The following PDGFA variants were observed in gnomAD, a reference collection of about 807,000 sequenced individuals.
PDGFA encodes the protein platelet-derived growth factor subunit A.
Under a neutral mutation model 25.6 loss-of-function variants are expected in PDGFA, and 9 were observed. The observed-to-expected ratio is 0.35, with a 90% confidence interval of 0.21 to 0.61. The LOEUF is 0.61. Among genes scored for constraint, PDGFA ranks in the 20% least tolerant of loss-of-function variants. PDGFA has a pLI of 0.75. For synonymous variants in PDGFA, 133 were observed against 111.8 expected (o/e 1.19, Z -1.20); for missense variants, 242 against 272.8 (o/e 0.89, Z 0.79).
upstream of PDGFA, chr7:520,169 C>T (rs1241549024): frequency 3.8e-6 from 1 of 263,430 alleles, no homozygotes; most frequent in Non-Finnish European, 7.6e-6. Context: ...AGGAGGCCGC[C>T]GCAGAAGCGC....
At chr7:512,881 CCT>C in intron 2 of PDGFA, 1 of 279,448 alleles carries the variant, frequency 3.6e-6, no homozygotes, top group Non-Finnish European at 7.1e-6. Context: ...CCAGGCCCCA[CCT>C]CTGTCTGGGG....
At chr7:505,617 C>A (rs1475293780) in intron 4 of PDGFA, among the ~76,000 whole-genome samples, 1 of 152,260 alleles carries the variant, frequency 6.6e-6, no homozygotes, top group South Asian at 2.1e-4. Flanking sequence ...CGCACGTGCC[C>A]GTCACTGTAA....
exon 6 of PDGFA, chr7:498,508 C>T (rs1179435864): frequency 2.6e-6 from 4 of 1,565,772 alleles, no homozygotes; most frequent in African/African-American, 2.7e-5. Flanking sequence ...ATAGTAGGTT[C>T]AGGAATGTAA....
chr7:506,090 T>G (rs1296984980), intron 4 of PDGFA, among the ~76,000 whole-genome samples: 1 of 149,462 alleles, frequency 6.7e-6, no homozygotes, highest in Non-Finnish European at 1.5e-5. Flanking sequence ...GCAGAAGAAT[T>G]GCCTGAACCC....
At chr7:510,533 T>C (rs1223543772) in intron 4 of PDGFA, among the ~76,000 whole-genome samples, 1 of 70,362 alleles carries the variant, frequency 1.4e-5, no homozygotes, top group African/African-American at 5.8e-5. Context: ...GACGCTGCGG[T>C]GGTGGACGCG....
At chr7:519,972 CG>C, upstream of PDGFA, 1 of 311,850 alleles carries the variant, frequency 3.2e-6, no homozygotes, top group South Asian at 2.3e-5. Context: ...CGGAAGCGCT[CG>C]GGGTTCGTGC....
At chr7:504,236 C>A (rs955868547) in intron 4 of PDGFA, among the ~76,000 whole-genome samples, 1 of 152,114 alleles carries the variant, frequency 6.6e-6, no homozygotes, top group African/African-American at 2.4e-5. Context: ...TACCACCACC[C>A]ACCCACCACA....
In PDGFA at chr7:509,928, G is replaced by C. The variant is rs190945838; in HGVS notation, c.453+881C>G. ...GGAAGGAAGTCTGCTGTCTGGCCTC[G>C]AGCCCACCCCAAGCACTCCTTCTCC... On this transcript the variant is annotated intron_variant, in intron 4 of 5. Transcript: ENST00000402802. Among the ~76,000 whole-genome samples, 75 of 152,216 alleles carry C rather than the reference G, an allele frequency of 4.9e-4. 1 individual carries two copies. The East Asian group carries it at 0.01, about 21-fold the overall frequency.
chr7:505,086 T>C (rs1382669490), intron 4 of PDGFA, among the ~76,000 whole-genome samples: 1 of 152,234 alleles, frequency 6.6e-6, no homozygotes, highest in Admixed American at 6.5e-5. Context: ...CACCTCTGTC[T>C]GGCCAGGAAA....
chr7:517,526 C>T lies in PDGFA; in HGVS notation c.64-36G>A. ...AGGCCACACGGTCAGCGCCCGCGGC[C>T]CCGACCCCGCCGGCACGCGCCCCCG... On this transcript the variant is annotated intron_variant, in intron 1 of 5. Coordinates refer to ENST00000402802, the Ensembl canonical transcript of PDGFA. This position sits in a 1 kb window ranked among gnomAD's most constrained non-coding sequence, Gnocchi z 7.4. The T allele has an allele frequency of 3.0e-6, 3 of 1,016,712 alleles. No individual in the cohort carries two copies. Among genetic ancestry groups the T allele is most frequent in the Non-Finnish European group, 3.7e-6 (3 of 806,272 alleles). 63.0% of individuals were successfully genotyped at this position (1,016,712 alleles called of 1,614,324 possible). A position where few individuals can be genotyped will look rare whatever the true frequency, so the allele number is the denominator to read the frequency against.
In PDGFA at chr7:500,624, G is replaced by C; in HGVS notation, c.580+492C>G. ...AAGAGAAGGCCAGCACCCTGGCACCGAGAAACTTCTGAGTCCCCTCATGCT... is the reference window on the plus strand; with the variant it reads ...AAGAGAAGGCCAGCACCCTGGCACCCAGAAACTTCTGAGTCCCCTCATGCT... On this transcript the variant is annotated intron_variant, in intron 5 of 5. Coordinates refer to ENST00000402802, the Ensembl canonical transcript of PDGFA. The surrounding 1 kb of genome is among the most constrained non-coding windows in gnomAD (Gnocchi z 5.0). The C allele has an allele frequency of 6.6e-7, 1 of 1,511,160 alleles. No homozygotes were observed. The highest frequency in any genetic ancestry group is 8.8e-7 in the Non-Finnish European group (1 of 1,135,018). The allele number at this position is 1,511,160 out of a possible 1,614,324, so 93.6% of individuals were successfully genotyped here.
At chr7:520,692 G>A (rs1056560530), upstream of PDGFA, 2 of 152,330 alleles carry the variant, frequency 1.3e-5, no homozygotes, top group African/African-American at 4.8e-5. Flanking sequence ...CGCCACCTCC[G>A]GCCGAGGCGC....
In PDGFA at chr7:515,262, A is replaced by G. The variant is rs563093837; in HGVS notation, c.160+2132T>C. On this transcript the variant is annotated intron_variant, in intron 2 of 5. Transcript: ENST00000402802. ...CAGCCCCTTCCTCATGAGCCCCTGCACTGTCCCCTGCCCCTAACAGACCAG... is the reference window on the plus strand; with the variant it reads ...CAGCCCCTTCCTCATGAGCCCCTGCGCTGTCCCCTGCCCCTAACAGACCAG... Among the ~76,000 whole-genome samples, 15 of 152,234 alleles carry G rather than the reference A, an allele frequency of 9.9e-5. No individual in the cohort carries two copies. The South Asian group carries it at 2.1e-3, about 21-fold the overall frequency.
intron 4 of PDGFA, among the ~76,000 whole-genome samples, chr7:510,371 C>A (rs1158492680): frequency 6.6e-6 from 1 of 151,894 alleles, no homozygotes; most frequent in Non-Finnish European, 1.5e-5. Context: ...CCAGGAGGGA[C>A]CCTGGCAACC....
Position 517,299 on chromosome 7 carries a change from C to G in PDGFA, c.160+95G>C, listed in dbSNP as rs926434125. 67 of 391,470 alleles carry G rather than the reference C, an allele frequency of 1.7e-4. No homozygotes were observed. The highest frequency in any genetic ancestry group is 2.4e-4 in the Non-Finnish European group (57 of 240,318). The allele number at this position is 391,470 out of a possible 1,614,324, so 24.2% of individuals were successfully genotyped here. On this transcript the variant is annotated intron_variant, in intron 2 of 5. Transcript: ENST00000402802. This position sits in a 1 kb window ranked among gnomAD's most constrained non-coding sequence, Gnocchi z 7.4. ...GGGATTGGATTCTGACCTTTCGGTG[C>G]GCTCCTGCGCGGCGCCCCGCCCGGC...
At chr7:503,872 C>T (rs1030654786) in intron 4 of PDGFA, among the ~76,000 whole-genome samples, 20 of 152,274 alleles carry the variant, frequency 1.3e-4, no homozygotes, top group African/African-American at 3.1e-4. Context: ...GGTTTCGCTA[C>T]GTCACAAAGC....
chr7:507,076 T>C (rs1402093455), intron 4 of PDGFA, among the ~76,000 whole-genome samples: 2 of 152,210 alleles, frequency 1.3e-5, no homozygotes, highest in African/African-American at 4.8e-5. Context: ...GACAGCCGCC[T>C]CCATCCGCAG....
chr7:518,216 C>A (rs1222975911), intron 1 of PDGFA, among the ~76,000 whole-genome samples: 4 of 152,170 alleles, frequency 2.6e-5, no homozygotes, highest in African/African-American at 9.7e-5. Flanking sequence ...TGGCCTCCCC[C>A]ACTCCCCTCC....
exon 6 of PDGFA, chr7:497,805 C>T (rs1311620417): frequency 2.8e-5 from 4 of 141,542 alleles, no homozygotes; most frequent in South Asian, 2.2e-4. Context: ...AAAATACCGT[C>T]GCACTGTCCT....
Sources: allele counts gnomAD v4.1 joint callset (sites outside exome capture counted in the v4.1 genomes callset), GRCh38; gene constraint gnomAD v4.1.1; non-coding constraint Gnocchi (gnomAD v3.1); transcripts MANE v1.5; gene names NCBI Gene and HGNC (gene_info 2026-07-23, HGNC 2026-07-21).